SLC25A17: variants seen among roughly 807,000 people sequenced by gnomAD.
The protein encoded by SLC25A17 is peroxisomal membrane protein PMP34.
SLC25A17 carries 26 observed loss-of-function variants against 38.5 expected under a neutral mutation model. The ratio of observed to expected loss-of-function variants is 0.68; its 90% CI spans 0.50 to 0.94. The LOEUF is 0.94. Among genes scored for constraint, SLC25A17 ranks in the 40% least tolerant of loss-of-function variants. The pLI, the probability that SLC25A17 is intolerant of heterozygous loss-of-function variation, is 0.00. For synonymous variants in SLC25A17, 139 were observed against 136.2 expected (o/e 1.02, Z -0.14); for missense variants, 333 against 372.7 (o/e 0.89, Z 0.88).
chr22:40,804,273 C>T (rs1433957385), intron 1 of SLC25A17, among the ~76,000 whole-genome samples: 3 of 152,140 alleles, frequency 2.0e-5, no homozygotes, highest in East Asian at 1.9e-4. Flanking sequence ...TGCCCATCTA[C>T]GCACCCAAGC....
rs2057643633 is a variant in SLC25A17, at chr22:40,816,660, G to T, written c.54+2535C>A. ...AGTCTTGCTCTTGTCACCCAGGCTG[G>T]AGTGCAATGGCACAATTTTGGCTCA... On this transcript the variant is annotated intron_variant, in intron 1 of 8. Coordinates refer to ENST00000435456, the MANE Select transcript of SLC25A17 (RefSeq NM_006358.4). Among the ~76,000 whole-genome samples, 7 of 149,540 alleles carry T rather than the reference G, an allele frequency of 4.7e-5. No individual in the cohort carries two copies. The South Asian group carries it at 1.5e-3, about 32-fold the overall frequency.
intron 4 of SLC25A17, chr22:40,784,601 C>G (rs2057320825): frequency 4.2e-6 from 1 of 238,916 alleles, no homozygotes; most frequent in African/African-American, 2.3e-5. Flanking sequence ...AGAAAGACCC[C>G]CATCTGTACA....
At chr22:40,785,804 GT>G (rs774433769) in intron 4 of SLC25A17, among the ~76,000 whole-genome samples, 5 of 148,202 alleles carry the variant, frequency 3.4e-5, no homozygotes, top group South Asian at 2.1e-4. Context: ...CTGCTAATTG[GT>G]TTTTTTTTTT....
At chr22:40,795,960 T>C (rs2057425715) in intron 2 of SLC25A17, among the ~76,000 whole-genome samples, 1 of 152,022 alleles carries the variant, frequency 6.6e-6, no homozygotes, top group African/African-American at 2.4e-5. Flanking sequence ...GCTAATTTTT[T>C]GTATTTTTAG....
intron 1 of SLC25A17, among the ~76,000 whole-genome samples, chr22:40,806,018 T>A (rs1274077510): frequency 6.6e-6 from 1 of 152,196 alleles, no homozygotes; most frequent in East Asian, 1.9e-4. Flanking sequence ...TCCCAGCTAG[T>A]AACTGTGAGT....
intron 7 of SLC25A17, 72 bp from the exon 8 acceptor site, chr22:40,774,091 A>C (rs1281367196): frequency 1.1e-6 from 1 of 900,818 alleles, no homozygotes; most frequent in Non-Finnish European, 1.9e-6. Context: ...CCTGGGGAGG[A>C]TATTATGTTG....
At chr22:40,803,719 C>G (rs1382377187) in intron 1 of SLC25A17, among the ~76,000 whole-genome samples, 1 of 151,950 alleles carries the variant, frequency 6.6e-6, no homozygotes, top group Admixed American at 6.6e-5. Context: ...TTTGAGGAAC[C>G]TCCATAATGT....
At chr22:40,780,411 C>T (rs964232155) in intron 4 of SLC25A17, among the ~76,000 whole-genome samples, 4 of 152,218 alleles carry the variant, frequency 2.6e-5, no homozygotes, top group African/African-American at 9.6e-5. Flanking sequence ...AAGGCTCATA[C>T]ATTGTCACTG....
chr22:40,797,342 G>GA (rs1397924056), intron 2 of SLC25A17: 12 of 1,297,046 alleles, frequency 9.3e-6, no homozygotes, highest in Non-Finnish European at 1.2e-5. Context: ...CAAATCTGAG[G>GA]AAAAAACAAG....
intron 1 of SLC25A17, among the ~76,000 whole-genome samples, chr22:40,805,976 G>A (rs558688527): frequency 6.6e-6 from 1 of 152,344 alleles, no homozygotes; most frequent in East Asian, 1.9e-4. Flanking sequence ...GACTGACTGG[G>A]TGCCACAGTA....
intron 7 of SLC25A17, chr22:40,776,426 G>A: frequency 3.1e-6 from 1 of 321,492 alleles, no homozygotes; most frequent in Non-Finnish European, 6.1e-6. Flanking sequence ...CCCTGCTGGG[G>A]CACCAAACCA....
intron 2 of SLC25A17, chr22:40,797,461 C>G (rs928817709): frequency 4.0e-5 from 18 of 448,128 alleles, no homozygotes; most frequent in Non-Finnish European, 3.6e-5. Flanking sequence ...TGTTCCTATT[C>G]TGCCTCTTCT....
intron 7 of SLC25A17, among the ~76,000 whole-genome samples, chr22:40,775,227 A>G (rs545603996): frequency 8.5e-5 from 13 of 152,224 alleles, no homozygotes; most frequent in South Asian, 4.1e-4. Flanking sequence ...GAGCCACTCT[A>G]CTGCCATAGA....
intron 8 of SLC25A17, among the ~76,000 whole-genome samples, chr22:40,772,017 T>TAA (rs897386642): frequency 2.9e-5 from 4 of 140,012 alleles, no homozygotes; most frequent in Admixed American, 1.4e-4. Context: ...ATTAAAAAAT[T>TAA]AAAAAAAAAA....
intron 1 of SLC25A17, among the ~76,000 whole-genome samples, chr22:40,808,813 G>A (rs1406506407): frequency 1.3e-5 from 2 of 152,194 alleles, no homozygotes; most frequent in Non-Finnish European, 2.9e-5. Flanking sequence ...AGGAGGTTTT[G>A]TAGGATTAAA....
At chr22:40,793,183 G>A (rs1368525864) in intron 3 of SLC25A17, among the ~76,000 whole-genome samples, 1 of 152,062 alleles carries the variant, frequency 6.6e-6, no homozygotes, top group Non-Finnish European at 1.5e-5. Flanking sequence ...TTGAAAAATA[G>A]ACATTTCTGA....
At chr22:40,812,591 A>T (rs1042942953) in intron 1 of SLC25A17, among the ~76,000 whole-genome samples, 2 of 152,304 alleles carry the variant, frequency 1.3e-5, no homozygotes, top group East Asian at 3.9e-4. Flanking sequence ...GGTGGGGGTA[A>T]AAAAGACAAT....
chr22:40,804,788 T>C (rs2057514913), intron 1 of SLC25A17, among the ~76,000 whole-genome samples: 1 of 152,102 alleles, frequency 6.6e-6, no homozygotes, highest in Non-Finnish European at 1.5e-5. Context: ...TCTGTGTCGA[T>C]TGTGAGCATC....
In SLC25A17 at chr22:40,789,188, T is replaced by A. The variant is rs186660589; in HGVS notation, c.334+3337A>T. The stretch of plus-strand genomic sequence containing the variant: ...GCTGTGGGGGATGCCCAGCTGCTTG[T>A]AGCCACGGCCGAAGCCCCATACCAC... On this transcript the variant is annotated intron_variant, in intron 4 of 8. Coordinates refer to ENST00000435456, the MANE Select transcript of SLC25A17 (RefSeq NM_006358.4). This position sits in a 1 kb window ranked among gnomAD's most constrained non-coding sequence, Gnocchi z 4.5. 6.2e-5 allele frequency: 15 copies of A among 242,200 alleles called. No individual in the cohort carries two copies. The East Asian group carries it at 1.6e-3, about 25-fold the overall frequency. The allele number at this position is 242,200 out of a possible 1,614,324, so 15.0% of individuals were successfully genotyped here.
Sources: gnomAD v4.1 joint callset for allele counts (sites outside exome capture counted in the v4.1 genomes callset) on GRCh38, gnomAD v4.1.1 for gene constraint, Gnocchi (gnomAD v3.1) non-coding constraint, MANE v1.5 for transcripts, NCBI Gene and HGNC (gene_info 2026-07-23, HGNC 2026-07-21) for gene names.